LARS1: variants seen among roughly 807,000 people sequenced by gnomAD.
The protein encoded by LARS1 is leucyl-tRNA synthetase 1, also known as leucine--tRNA ligase, cytoplasmic.
LARS1 carries 100 observed loss-of-function variants against 162.8 expected under a neutral mutation model. The ratio of observed to expected loss-of-function variants is 0.61; its 90% CI spans 0.52 to 0.73. The LOEUF (loss-of-function observed/expected upper bound fraction) is 0.73. Among genes scored for constraint, LARS1 ranks in the 30% least tolerant of loss-of-function variants. LARS1 has a pLI of 0.00. For synonymous variants in LARS1, 457 were observed against 462.8 expected, an observed-to-expected ratio of 0.99 and a Z score of 0.16; for missense variants, 1,258 against 1,408.9, an observed-to-expected ratio of 0.89 and a Z score of 1.71.
chr5:146,118,321 T>C (rs1331145147), intron 31 of LARS1, among the ~76,000 whole-genome samples: 1 of 152,050 alleles, frequency 6.6e-6, no homozygotes. Context: ...GTTGATTTCA[T>C]TGAAGTAGAG....
chr5:146,120,355 T>C lies in LARS1; in HGVS notation c.3325+16A>G, dbSNP rs1386385883. On this transcript the variant is annotated intron_variant, in intron 31 of 31. Transcript: ENST00000394434. ...TACAAGCTACTGACAAATGGGAGTT[T>C]TGGGGAACAACTTACCTTTAATTCC... 2 of 1,612,416 alleles carry C rather than the reference T, an allele frequency of 1.2e-6. No individual in the cohort carries two copies. The highest frequency in any genetic ancestry group is 1.3e-5 in the African/African-American group (1 of 74,850).
rs1752040641 is a variant in LARS1 at position 146,126,347 on chromosome 5, G to A, written c.2991+88C>T. On this transcript the variant is annotated intron_variant, in intron 28 of 31. Transcript: ENST00000394434. ...CTATTTTAGCAGATTTCTGGCAGGA[G>A]ACTATGTCCAAGGCTTTTCCCCATC... is the stretch of plus-strand genomic sequence containing the variant. 4 of 681,548 alleles carry A rather than the reference G, an allele frequency of 5.9e-6. No individual in the cohort carries two copies. In the East Asian group the frequency reaches 1.1e-4, roughly 19 times the overall value. The allele number at this position is 681,548 out of a possible 1,614,324, so 42.2% of individuals were successfully genotyped here.
chr5:146,179,606 T>C (rs1234012356), intron 1 of LARS1: 2 of 377,560 alleles, frequency 5.3e-6, no homozygotes, highest in Non-Finnish European at 1.1e-5. Flanking sequence ...TGTGTGTGTG[T>C]CTGTGTGAGA....
rs530597737 is a variant in LARS1 at position 146,178,710 on chromosome 5, A to G, written c.7-1045T>C. ...CTTTTCTAAGAAATAATAAGCCTGC[A>G]CAACTGTTCATCCCTTTCCATTCCT... On this transcript the variant is annotated intron_variant, in intron 1 of 31. Coordinates refer to ENST00000394434, the MANE Select transcript of LARS1 (RefSeq NM_020117.11). Among the ~76,000 whole-genome samples the G allele has an allele frequency of 2.9e-4, 44 of 152,260 alleles. 2 individuals carry two copies. The South Asian group carries it at 8.5e-3, about 29-fold the overall frequency.
At chr5:146,148,079 A>G (rs1010265321) in intron 15 of LARS1, among the ~76,000 whole-genome samples, 1 of 152,254 alleles carries the variant, frequency 6.6e-6, no homozygotes, top group African/African-American at 2.4e-5. Context: ...GCAATCCAAT[A>G]TAAAGATAGA....
chr5:146,172,682 AT>A lies in LARS1; in HGVS notation c.213+4del, dbSNP rs1754334614. 6 of 1,532,574 alleles carry A rather than the reference AT, an allele frequency of 3.9e-6. No homozygotes were observed. Among genetic ancestry groups the A allele is most frequent in the Non-Finnish European group, 5.3e-6 (6 of 1,126,906 alleles). 94.9% of individuals were successfully genotyped at this position (1,532,574 alleles called of 1,614,324 possible). A position where few individuals can be genotyped will look rare whatever the true frequency, so the allele number is the denominator to read the frequency against. On this transcript the variant is annotated splice_donor_region_variant and intron_variant, in intron 3 of 31. Coordinates refer to ENST00000394434, the MANE Select transcript of LARS1 (RefSeq NM_020117.11). ...CCCATTATAGCAAACATAGGGAAAC[AT>A]TACCTCACATTTGGATAAAGAAAAC...
intron 20 of LARS1, 93 bp downstream of exon 20, chr5:146,142,779 A>T (rs1752841787): frequency 7.5e-6 from 7 of 933,942 alleles, no homozygotes; most frequent in Non-Finnish European, 1.1e-5. Flanking sequence ...AATCTATACC[A>T]TCCCCTCCAC....
chr5:146,149,297 C>T (rs967613086), intron 15 of LARS1, among the ~76,000 whole-genome samples: 16 of 151,776 alleles, frequency 1.1e-4, no homozygotes, highest in African/African-American at 2.2e-4. Context: ...ATAACAGAAA[C>T]GGAGGGATGA....
At chr5:146,179,252 C>A (rs906367227) in intron 1 of LARS1, among the ~76,000 whole-genome samples, 2 of 152,136 alleles carry the variant, frequency 1.3e-5, no homozygotes, top group African/African-American at 4.8e-5. Context: ...ACCTCCATCT[C>A]TGGGGTTCAA....
At chr5:146,155,416 A>G (rs1476061548) in intron 10 of LARS1, among the ~76,000 whole-genome samples, 1 of 152,256 alleles carries the variant, frequency 6.6e-6, no homozygotes, top group Non-Finnish European at 1.5e-5. Context: ...TTAACAAAAT[A>G]TGTTACAAGA....
chr5:146,141,895 T>C (rs138539317), intron 20 of LARS1, among the ~76,000 whole-genome samples: 2 of 152,228 alleles, frequency 1.3e-5, no homozygotes, highest in East Asian at 3.9e-4. Context: ...GCACGGTGGC[T>C]CATGCCTGTA....
chr5:146,168,357 T>C, intron 4 of LARS1, 92 bp from the exon 5 acceptor site: 1 of 1,383,548 alleles, frequency 7.2e-7, no homozygotes, highest in Non-Finnish European at 9.8e-7. Context: ...AAATTGACTC[T>C]GAAATTTTTT....
chr5:146,174,526 A>ATG (rs1754446811), intron 2 of LARS1, among the ~76,000 whole-genome samples: 2 of 110,386 alleles, frequency 1.8e-5, no homozygotes, highest in African/African-American at 5.9e-5. Context: ...ATATCCATAT[A>ATG]TATATATATA....
Position 146,182,598 on chromosome 5 carries a change from G to C in LARS1, c.-105C>G. 1 of 1,468,118 alleles carries C rather than the reference G, an allele frequency of 6.8e-7. No individual in the cohort carries two copies. The highest frequency in any genetic ancestry group is 9.5e-7 in the Non-Finnish European group (1 of 1,048,066). 90.9% of individuals were successfully genotyped at this position (1,468,118 alleles called of 1,614,324 possible). On this transcript the variant is annotated 5_prime_UTR_variant, in exon 1 of 32. Coordinates refer to ENST00000394434, the MANE Select transcript of LARS1 (RefSeq NM_020117.11). ...CTCTCGGGGATGCCAGGCCTCCCACGAAACTAAAGCACACGCTTCACACCT... is the reference window on the plus strand; with the variant it reads ...CTCTCGGGGATGCCAGGCCTCCCACCAAACTAAAGCACACGCTTCACACCT...
intron 30 of LARS1, among the ~76,000 whole-genome samples, chr5:146,122,178 C>T (rs952572910): frequency 6.6e-6 from 1 of 152,056 alleles, no homozygotes; most frequent in Non-Finnish European, 1.5e-5. Flanking sequence ...TAAAAAGGTC[C>T]TACATTTCCA....
intron 1 of LARS1, among the ~76,000 whole-genome samples, chr5:146,180,517 T>A (rs1023786029): frequency 1.1e-4 from 17 of 151,516 alleles, no homozygotes; most frequent in African/African-American, 3.9e-4. Flanking sequence ...AAAAAAAAAA[T>A]AAAAATAAAA....
At chr5:146,115,103 T>G (rs1377599117) in intron 31 of LARS1, among the ~76,000 whole-genome samples, 1 of 150,892 alleles carries the variant, frequency 6.6e-6, no homozygotes, top group Non-Finnish European at 1.5e-5. Flanking sequence ...TAGCAAATCT[T>G]CATCCCCTTT....
Position 146,153,747 on chromosome 5 carries a change from A to C in LARS1, c.1217T>G (p.Leu406Trp). 2 of 1,613,822 alleles carry C rather than the reference A, an allele frequency of 1.2e-6. No homozygotes were observed. The highest frequency in any genetic ancestry group is 1.7e-6 in the Non-Finnish European group (2 of 1,179,728). The change falls in exon 12 of 32, where the codon TTG becomes TGG. Residue 406 changes from leucine (L) to tryptophan (W), a missense_variant. Coordinates refer to ENST00000394434, the MANE Select transcript of LARS1 (RefSeq NM_020117.11). Reference protein sequence around the residue: ...SPDDIAALRDLKKKQALRAKY... With the variant: ...SPDDIAALRDWKKKQALRAKY... ...TCAGATACTTACTTGCTTTTTCTTC[A>C]AGTCTCTGAGGGCAGCAATATCATC...
At chr5:146,128,644 G>A in intron 27 of LARS1, 28 bp downstream of exon 27, 1 of 1,437,986 alleles carries the variant, frequency 7.0e-7, no homozygotes, top group Non-Finnish European at 9.4e-7. Context: ...AACACCATCA[G>A]GGGGGAAAAG....
Sources: gnomAD v4.1 joint callset for allele counts (sites outside exome capture counted in the v4.1 genomes callset) on GRCh38, gnomAD v4.1.1 for gene constraint, MANE v1.5 for transcripts, NCBI Gene and HGNC (gene_info 2026-07-23, HGNC 2026-07-21) for gene names.